The following DGKI variants were observed in gnomAD, a reference collection of about 807,000 sequenced individuals.
DGKI encodes diacylglycerol kinase iota, also known as DAG kinase iota.
A neutral mutation model predicts 147.5 loss-of-function variants in DGKI; 55 were observed. The ratio of observed to expected loss-of-function variants is 0.37; its 90% CI spans 0.30 to 0.47. DGKI has a LOEUF of 0.47. Ranked by LOEUF, DGKI falls within the 20% of genes least tolerant of loss-of-function variation. The probability of loss-of-function intolerance (pLI) is 1.00; values close to 1 mark genes in which losing one functional copy is unlikely to be tolerated. For missense variants in DGKI, 1,007 were observed against 1,323.8 expected (o/e 0.76, Z 3.71); for synonymous variants, 469 against 477.1 (o/e 0.98, Z 0.22).
intron 28 of DGKI, among the ~76,000 whole-genome samples, chr7:137,422,322 T>C (rs1468004833): frequency 2.0e-5 from 3 of 152,168 alleles, no homozygotes; most frequent in African/African-American, 7.2e-5. Flanking sequence ...GGTCTTAAAA[T>C]ACCTTCTGGA....
At chr7:137,489,990 CAT>C (rs1247011115) in intron 21 of DGKI, among the ~76,000 whole-genome samples, 12 of 152,104 alleles carry the variant, frequency 7.9e-5, no homozygotes, top group African/African-American at 2.7e-4. Context: ...AGTTTTCAAA[CAT>C]GTGTCATTCA....
At chr7:137,560,509 C>T (rs1818384255) in intron 19 of DGKI, among the ~76,000 whole-genome samples, 1 of 152,156 alleles carries the variant, frequency 6.6e-6, no homozygotes, top group African/African-American at 2.4e-5. Flanking sequence ...CAGAACAGTG[C>T]TCACCACTAC....
chr7:137,462,908 C>A (rs914764043), intron 27 of DGKI, among the ~76,000 whole-genome samples: 1 of 152,172 alleles, frequency 6.6e-6, no homozygotes, highest in East Asian at 1.9e-4. Context: ...TACACTCTCA[C>A]CATGATCAGA....
At chr7:137,749,073 A>G (rs1264473780) in intron 1 of DGKI, among the ~76,000 whole-genome samples, 3 of 152,234 alleles carry the variant, frequency 2.0e-5, no homozygotes, top group South Asian at 2.1e-4. Context: ...AACAGAATAT[A>G]CTATTCACAA....
At chr7:137,657,926 A>C (rs2116265998) in intron 3 of DGKI, among the ~76,000 whole-genome samples, 1 of 152,348 alleles carries the variant, frequency 6.6e-6, no homozygotes, top group African/African-American at 2.4e-5. Context: ...CCACCAACAA[A>C]GAACCTAAAA....
chr7:137,517,323 GAAAGAAAGAAAGAA>G (rs1563064002), intron 21 of DGKI, among the ~76,000 whole-genome samples: 40 of 99,768 alleles, frequency 4.0e-4, no homozygotes, highest in African/African-American at 1.6e-3. Context: ...AAGAAAGAAA[GAAAGAAAGAAAGAA>G]AGAGAAAGAA....
At chr7:137,755,608 G>T (rs1795654719) in intron 1 of DGKI, among the ~76,000 whole-genome samples, 1 of 152,118 alleles carries the variant, frequency 6.6e-6, no homozygotes, top group African/African-American at 2.4e-5. Flanking sequence ...GAAAAATCTT[G>T]TAACTGCCAA....
At chr7:137,554,199 C>T (rs1204276758) in intron 19 of DGKI, among the ~76,000 whole-genome samples, 3 of 152,222 alleles carry the variant, frequency 2.0e-5, no homozygotes, top group African/African-American at 7.2e-5. Flanking sequence ...ATTGTTAGCA[C>T]GGTCACATTA....
chr7:137,588,733 C>T (rs1819503115), intron 12 of DGKI, among the ~76,000 whole-genome samples: 1 of 152,122 alleles, frequency 6.6e-6, no homozygotes, highest in African/African-American at 2.4e-5. Flanking sequence ...ACCTCGGCCT[C>T]CCAAAGTGCT....
intron 28 of DGKI, among the ~76,000 whole-genome samples, chr7:137,441,637 T>G (rs955139906): frequency 3.3e-5 from 5 of 152,132 alleles, no homozygotes; most frequent in Non-Finnish European, 7.4e-5. Flanking sequence ...TTATTGGACG[T>G]TGCAAAATTA....
In DGKI at chr7:137,678,606, G is replaced by A. The variant is rs143258473; in HGVS notation, c.557C>T (p.Ser186Leu). The change falls in exon 3 of 33, where the codon TCG (serine) becomes TTG (leucine). Residue 186 changes from serine (S) to leucine (L), a missense_variant. By Grantham distance (145) the Ser-to-Leu change is moderately radical. Around this residue, in one of 5 missense-constraint regions of DGKI, gnomAD observed 259 missense variants for 362.5 expected, o/e 0.71. Transcript: ENST00000614521. ...GEHLWLETNV[S>L]GDLCYLGEEN... ...CTCTCCAAGGTAGCAGAGGTCTCCCGAGACGTTGGTCTCCAGCCACAGGTG... is the reference window on the plus strand; with the variant it reads ...CTCTCCAAGGTAGCAGAGGTCTCCCAAGACGTTGGTCTCCAGCCACAGGTG... 133 of 1,613,986 alleles carry A rather than the reference G, an allele frequency of 8.2e-5. No homozygotes were observed. Among genetic ancestry groups the A allele is most frequent in the Non-Finnish European group, 1.1e-4 (130 of 1,180,020 alleles).
intron 1 of DGKI, among the ~76,000 whole-genome samples, chr7:137,844,224 G>T (rs1033381336): frequency 3.9e-5 from 6 of 152,186 alleles, no homozygotes; most frequent in African/African-American, 1.4e-4. Flanking sequence ...ATAAGTAACA[G>T]TGATCAAAAT....
rs948845231 is a variant in DGKI at position 137,383,497 on chromosome 7, G to C, written c.*7723C>G. On this transcript the variant is annotated 3_prime_UTR_variant, in exon 33 of 33. Transcript: ENST00000614521. ...TAGGCTCAAATTGAGTTCTGTTCCA[G>C]TCTAAAATTATAGACATTTAAACCA... is the stretch of plus-strand genomic sequence containing the variant. The C allele has an allele frequency of 1.3e-5, 2 of 151,704 alleles. No individual in the cohort carries two copies. The highest frequency in any genetic ancestry group is 2.9e-5 in the Non-Finnish European group (2 of 67,844). 9.4% of individuals were successfully genotyped at this position (151,704 alleles called of 1,614,324 possible). A position where few individuals can be genotyped will look rare whatever the true frequency, so the allele number is the denominator to read the frequency against.
chr7:137,623,522 T>C lies in DGKI; in HGVS notation c.837A>G (p.Lys279=), dbSNP rs1352156966. The change falls in exon 7 of 33, where the codon AAA becomes AAG. Residue 279 remains lysine (K), a synonymous_variant. Coordinates refer to ENST00000614521, the MANE Select transcript of DGKI (RefSeq NM_001321708.2). The part of the protein sequence containing the change: ...GFQQKFSFHS[K]EIVAISCSWC... ...AGGAACAGCTGATAGCCACAATCTC[T>C]TTACTGTGGAAGGAGAACTTTTGCT... The C allele has an allele frequency of 1.9e-6, 3 of 1,614,088 alleles. No individual in the cohort carries two copies. The highest frequency in any genetic ancestry group is 1.1e-5 in the South Asian group (1 of 91,078).
intron 20 of DGKI, among the ~76,000 whole-genome samples, chr7:137,539,025 G>A (rs116870434): frequency 0.011 from 1,738 of 152,252 alleles, 18 homozygotes; most frequent in Non-Finnish European, 0.017. Context: ...AATGCCGAAA[G>A]AAATGGAAAA....
intron 6 of DGKI, among the ~76,000 whole-genome samples, chr7:137,629,297 A>T (rs928760093): frequency 2.0e-5 from 3 of 152,226 alleles, no homozygotes; most frequent in South Asian, 2.1e-4. Flanking sequence ...ATTAATGGCA[A>T]AGTTAAGTTT....
At chr7:137,845,486 C>T (rs894941096) in intron 1 of DGKI, among the ~76,000 whole-genome samples, 1 of 152,182 alleles carries the variant, frequency 6.6e-6, no homozygotes, top group Non-Finnish European at 1.5e-5. Flanking sequence ...CTCTGAGCTC[C>T]AGCAAGTGTA....
At chr7:137,453,006 A>C (rs1423747206) in intron 27 of DGKI, 3 of 152,210 alleles carry the variant, frequency 2.0e-5, no homozygotes, top group Admixed American at 2.0e-4. Flanking sequence ...TCCCGAATGA[A>C]AACCGATTTC....
intron 1 of DGKI, among the ~76,000 whole-genome samples, chr7:137,789,281 G>C (rs1005911786): frequency 2.0e-5 from 3 of 151,990 alleles, no homozygotes; most frequent in Non-Finnish European, 4.4e-5. Context: ...GAATGCAAAA[G>C]ATTTGGAAGT....
Sources: allele counts gnomAD v4.1 joint callset (sites outside exome capture counted in the v4.1 genomes callset), GRCh38; gene constraint gnomAD v4.1.1; regional missense constraint gnomAD v4.1.1; transcripts MANE v1.5; gene names NCBI Gene and HGNC (gene_info 2026-07-23, HGNC 2026-07-21).